The following ECHDC1 variants were observed in gnomAD, a reference collection of about 807,000 sequenced individuals.
The protein encoded by ECHDC1 is ethylmalonyl-CoA decarboxylase 1.
In ECHDC1, 29 loss-of-function variants were observed where a neutral mutation model predicts 29.7. The ratio of observed to expected loss-of-function variants is 0.98; its 90% CI spans 0.73 to 1.33. The LOEUF (loss-of-function observed/expected upper bound fraction) is 1.33, where lower values mean the gene tolerates loss of function less well. Among genes scored for constraint, ECHDC1 ranks in the 40% most tolerant of loss-of-function variants. The probability of loss-of-function intolerance (pLI) is 0.00; values close to 1 mark genes in which losing one functional copy is unlikely to be tolerated. For synonymous variants in ECHDC1, 126 were observed against 123.1 expected, an observed-to-expected ratio of 1.02 and a Z score of -0.15; for missense variants, 328 against 350.0, an observed-to-expected ratio of 0.94 and a Z score of 0.50.
rs71272311 is a variant in ECHDC1 at position 127,311,669 on chromosome 6, C to CAAAAAAAAAAAAAAAA, written c.497+3131_497+3146dup. Among the ~76,000 whole-genome samples, 94 of 25,034 alleles carry CAAAAAAAAAAAAAAAA rather than the reference C, an allele frequency of 3.8e-3. 1 individual carries two copies. Among genetic ancestry groups the CAAAAAAAAAAAAAAAA allele is most frequent in the Non-Finnish European group, 5.6e-3 (45 of 7,980 alleles). The allele number at this position is 25,034 out of a possible 152,430, so 16.4% of individuals were successfully genotyped here. A position where few individuals can be genotyped will look rare whatever the true frequency, so the allele number is the denominator to read the frequency against. On this transcript the variant is annotated intron_variant, in intron 5 of 5. Coordinates refer to ENST00000454859, the MANE Select transcript of ECHDC1 (RefSeq NM_001002030.2). ...AGCCTGGGTGACAGAGGCTCTGTCTCAAAAAAAAAAAAAAAAAAAAAAAAA... is the reference window on the plus strand; with the variant it reads ...AGCCTGGGTGACAGAGGCTCTGTCTCAAAAAAAAAAAAAAAAAAAAAAAAAAAAAAAAAAAAAAAAA...
At chr6:127,329,014 G>A (rs1783654083) in intron 2 of ECHDC1, among the ~76,000 whole-genome samples, 1 of 151,924 alleles carries the variant, frequency 6.6e-6, no homozygotes, top group African/African-American at 2.4e-5. Flanking sequence ...GCGACAGAGT[G>A]AGACTCCATC....
rs566610878 is a variant in ECHDC1 at position 127,303,001 on chromosome 6, A to G, written c.497+11815T>C. On this transcript the variant is annotated intron_variant, in intron 5 of 5. Transcript: ENST00000454859. Reference sequence around the variant, plus strand: ...ATAAGAATTTTGTGCATTATTGAACACTAGTTTTCAAGAGGCTAGGATTTC... The same window carrying G: ...ATAAGAATTTTGTGCATTATTGAACGCTAGTTTTCAAGAGGCTAGGATTTC... Among the ~76,000 whole-genome samples the G allele has an allele frequency of 9.2e-5, 14 of 152,278 alleles. No homozygotes were observed. In the East Asian group the frequency reaches 2.5e-3, roughly 27 times the overall value.
chr6:127,303,355 TGAAG>T (rs1253574492), intron 5 of ECHDC1, among the ~76,000 whole-genome samples: 1 of 152,170 alleles, frequency 6.6e-6, no homozygotes, highest in African/African-American at 2.4e-5. Context: ...GGAAAGTTCT[TGAAG>T]GAAATTCAAA....
chr6:127,295,063 C>T (rs982655496), intron 5 of ECHDC1, among the ~76,000 whole-genome samples: 1 of 151,930 alleles, frequency 6.6e-6, no homozygotes, highest in African/African-American at 2.4e-5. Flanking sequence ...ATTCTCCTGC[C>T]TCAGCCTCCC....
chr6:127,339,725 A>T (rs561552453), intron 1 of ECHDC1, among the ~76,000 whole-genome samples: 2 of 151,168 alleles, frequency 1.3e-5, no homozygotes, highest in African/African-American at 4.9e-5. Context: ...GTGAGCCAAG[A>T]TCACACCACT....
chr6:127,290,979 A>C (rs919792701), intron 5 of ECHDC1, among the ~76,000 whole-genome samples: 12 of 152,240 alleles, frequency 7.9e-5, no homozygotes, highest in Admixed American at 7.2e-4. Flanking sequence ...CACCTGAGGA[A>C]ATGAGCAATG....
chr6:127,333,604 T>C (rs777189557), intron 1 of ECHDC1, among the ~76,000 whole-genome samples: 2 of 151,772 alleles, frequency 1.3e-5, no homozygotes, highest in Non-Finnish European at 2.9e-5. Context: ...CTTTAAACTA[T>C]CAGTAGCTTG....
chr6:127,316,050 T>A (rs1391123463), intron 4 of ECHDC1: 4 of 470,944 alleles, frequency 8.5e-6, no homozygotes, highest in African/African-American at 2.0e-5. Context: ...TCTCATCTCC[T>A]CTGGATACAG....
intron 1 of ECHDC1, among the ~76,000 whole-genome samples, chr6:127,337,381 C>T (rs773335991): frequency 1.3e-5 from 2 of 152,198 alleles, no homozygotes; most frequent in East Asian, 1.9e-4. Context: ...TTGGTCTCCA[C>T]AATCCTTTAT....
intron 5 of ECHDC1, among the ~76,000 whole-genome samples, chr6:127,307,702 AGTTGTTTTTTTTG>A (rs1781561764): frequency 6.7e-6 from 1 of 149,114 alleles, no homozygotes. Flanking sequence ...TGAAACAAAA[AGTTGTTTTTTTTG>A]AAAAGTTAAA....
Position 127,290,138 on chromosome 6 carries a change from C to A in ECHDC1, c.637G>T (p.Asp213Tyr), listed in dbSNP as rs781436479. 1.9e-6 allele frequency: 3 copies of A among 1,613,658 alleles called. No individual in the cohort carries two copies. The South Asian group carries it at 3.3e-5, about 18-fold the overall frequency. The part of the protein sequence containing the change: ...LKVLSGALKL[D>Y]SKNALNIGMV... ...CCTATGTTTAGAGCATTTTTTGAAT[C>A]CAGTTTAAGGGCCCCACTCAACACT... Residue 213 changes from aspartate (D) to tyrosine (Y), a missense_variant, in exon 6 of 6, where the codon GAT becomes TAT. Transcript: ENST00000454859.
At chr6:127,331,077 C>A (rs375748837) in intron 1 of ECHDC1, 47 bp from the exon 2 acceptor site, 1 of 1,430,620 alleles carries the variant, frequency 7.0e-7, no homozygotes, top group Admixed American at 1.7e-5. Context: ...AATAGGCACT[C>A]ACTTTTCTAA....
At chr6:127,309,701 A>T (rs1196848737) in intron 5 of ECHDC1, among the ~76,000 whole-genome samples, 2 of 152,194 alleles carry the variant, frequency 1.3e-5, no homozygotes, top group African/African-American at 4.8e-5. Flanking sequence ...ATACTGGGTA[A>T]TTTATGAAGA....
intron 5 of ECHDC1, among the ~76,000 whole-genome samples, chr6:127,310,794 ACAGT>A (rs1236714161): frequency 6.6e-6 from 1 of 152,206 alleles, no homozygotes; most frequent in Non-Finnish European, 1.5e-5. Flanking sequence ...CTTTTGTGAA[ACAGT>A]CAATCGGTTA....
chr6:127,338,453 T>G (rs1784626739), intron 1 of ECHDC1, among the ~76,000 whole-genome samples: 1 of 152,132 alleles, frequency 6.6e-6, no homozygotes, highest in Non-Finnish European at 1.5e-5. Flanking sequence ...AGTAAACCTT[T>G]ATCATGTAGT....
At chr6:127,329,696 T>C (rs1783735524) in intron 2 of ECHDC1, 3 of 304,990 alleles carry the variant, frequency 9.8e-6, no homozygotes, top group South Asian at 2.8e-5. Flanking sequence ...TTTATATTAG[T>C]GACATATTGA....
intron 1 of ECHDC1, among the ~76,000 whole-genome samples, chr6:127,337,422 C>G (rs1272735204): frequency 6.6e-6 from 1 of 152,182 alleles, no homozygotes; most frequent in Non-Finnish European, 1.5e-5. Flanking sequence ...TCTATGGATC[C>G]CAGGTCTTTA....
chr6:127,312,439 C>T (rs970681830), intron 5 of ECHDC1, among the ~76,000 whole-genome samples: 2 of 152,174 alleles, frequency 1.3e-5, no homozygotes, highest in African/African-American at 2.4e-5. Context: ...TGTTGGTATT[C>T]ATGTGGTGCA....
chr6:127,299,880 ACC>A (rs1780923014), intron 5 of ECHDC1, among the ~76,000 whole-genome samples: 3 of 152,178 alleles, frequency 2.0e-5, no homozygotes, highest in Non-Finnish European at 4.4e-5. Flanking sequence ...TTTTTACTGT[ACC>A]TTTTCATTTA....
Sources: gnomAD v4.1 joint callset for allele counts (sites outside exome capture counted in the v4.1 genomes callset) on GRCh38, gnomAD v4.1.1 for gene constraint, MANE v1.5 for transcripts, NCBI Gene and HGNC (gene_info 2026-07-23, HGNC 2026-07-21) for gene names.